Variants in MGAT4B observed in about 807,000 individuals in gnomAD.
The protein encoded by MGAT4B is N-acetylglucosaminyltransferase IVb.
A neutral mutation model predicts 73.9 loss-of-function variants in MGAT4B; 38 were observed. The observed-to-expected ratio is 0.51, with a 90% confidence interval of 0.40 to 0.67. The LOEUF (loss-of-function observed/expected upper bound fraction) is 0.67. MGAT4B is among the 30% of genes least tolerant of loss of function. MGAT4B has a pLI of 0.00. For missense variants in MGAT4B, 686 were observed against 735.2 expected (o/e 0.93, Z 0.77); for synonymous variants, 373 against 313.5 (o/e 1.19, Z -2.01).
chr5:179,800,683 C>T (rs1195803282), intron 5 of MGAT4B, 86 bp from the exon 6 acceptor site: 1 of 1,148,488 alleles, frequency 8.7e-7, no homozygotes, highest in Non-Finnish European at 1.3e-6. Flanking sequence ...TTTCTTGAGG[C>T]TCACCCAGTG....
intron 1 of MGAT4B, chr5:179,803,341 C>G (rs990663984): frequency 1.1e-5 from 10 of 922,902 alleles, no homozygotes; most frequent in Non-Finnish European, 1.3e-5. Flanking sequence ...AGGCTCCACG[C>G]TGGGCTCAGG....
At position 179,801,057 on chromosome 5, in the gene MGAT4B, G is replaced by T; in HGVS notation, c.559-104C>A. On this transcript the variant is annotated intron_variant, in intron 4 of 14. Coordinates refer to ENST00000292591, the MANE Select transcript of MGAT4B (RefSeq NM_014275.5). This position sits in a 1 kb window ranked among gnomAD's most constrained non-coding sequence, Gnocchi z 4.8. Reference sequence around the variant, plus strand: ...GCTTCAGATGCCCCCCACGTGGAGGGAGTGAGCCTGCTGTGCTGAGGGCGG... The same window carrying T: ...GCTTCAGATGCCCCCCACGTGGAGGTAGTGAGCCTGCTGTGCTGAGGGCGG... 1 of 1,419,626 alleles carries T rather than the reference G, an allele frequency of 7.0e-7. No homozygotes were observed. The highest frequency in any genetic ancestry group is 1.2e-5 in the South Asian group (1 of 84,884). 87.9% of individuals were successfully genotyped at this position (1,419,626 alleles called of 1,614,324 possible).
intron 1 of MGAT4B, among the ~76,000 whole-genome samples, chr5:179,803,941 G>A (rs1757044337): frequency 6.6e-6 from 1 of 152,232 alleles, no homozygotes; most frequent in Admixed American, 6.5e-5. Flanking sequence ...CTATGCCAGG[G>A]CTCTGCCAAG....
At chr5:179,798,789 C>A in intron 11 of MGAT4B, 139 bp downstream of exon 11, 1 of 1,149,666 alleles carries the variant, frequency 8.7e-7, no homozygotes, top group Non-Finnish European at 1.2e-6. Context: ...CTGACTTAGT[C>A]CTCACAAGGT....
In MGAT4B at chr5:179,798,498, A is replaced by G; in HGVS notation, c.1422+15T>C. On this transcript the variant is annotated intron_variant, in intron 12 of 14. Transcript: ENST00000292591. The stretch of plus-strand genomic sequence containing the variant: ...GAGGCCCGGCTTCAGTGCACACCAC[A>G]CCCACCGAACTTACGTCGAAGGGCA... The G allele has an allele frequency of 6.2e-7, 1 of 1,613,380 alleles. No individual in the cohort carries two copies. Among genetic ancestry groups the G allele is most frequent in the East Asian group, 2.2e-5 (1 of 44,882 alleles).
chr5:179,799,915 G>A (rs199691100), intron 8 of MGAT4B, 39 bp downstream of exon 8: 25 of 1,539,452 alleles, frequency 1.6e-5, no homozygotes, highest in East Asian at 6.7e-5. Context: ...AGAGGCAGGT[G>A]GGACTGAAAG....
At position 179,798,031 on chromosome 5, in the gene MGAT4B, C is replaced by G; in HGVS notation, c.*14G>C. ...TTCAGGGCTGGCCACAGGGTACCCT[C>G]AGAAGCCCGCAGCTTAGTCGGCCTT... On this transcript the variant is annotated 3_prime_UTR_variant, in exon 15 of 15. Transcript: ENST00000292591. 2 of 1,605,500 alleles carry G rather than the reference C, an allele frequency of 1.2e-6. No homozygotes were observed. The highest frequency in any genetic ancestry group is 1.1e-5 in the South Asian group (1 of 89,686).
intron 1 of MGAT4B, among the ~76,000 whole-genome samples, chr5:179,804,658 T>C (rs1298066553): frequency 6.6e-6 from 1 of 152,176 alleles, no homozygotes; most frequent in Non-Finnish European, 1.5e-5. Context: ...GCCCACCTCC[T>C]TCCTTCCCTG....
In MGAT4B at chr5:179,801,666, G is replaced by A. The variant is rs1239926439; in HGVS notation, c.312C>T (p.Gly104=). The A allele has an allele frequency of 1.2e-6, 2 of 1,607,502 alleles. No individual in the cohort carries two copies. The highest frequency in any genetic ancestry group is 1.7e-6 in the Non-Finnish European group (2 of 1,178,426). Reference sequence around the variant, plus strand: ...GCAGGTGCAGCACGTGCCGGTGTGAGCCGTTCCACGGCTTCAATCGGGGGT... The same window carrying A: ...GCAGGTGCAGCACGTGCCGGTGTGAACCGTTCCACGGCTTCAATCGGGGGT... ...TEDPRLKPWN[G]SHRHVLHLPT... The change falls in exon 3 of 15, where the codon GGC becomes GGT. Residue 104 remains glycine, a synonymous_variant. Transcript: ENST00000292591. This position sits in a 1 kb window ranked among gnomAD's most constrained non-coding sequence, Gnocchi z 4.8.
At chr5:179,802,114 C>T in intron 1 of MGAT4B, 145 bp from the exon 2 acceptor site, 1 of 1,543,434 alleles carries the variant, frequency 6.5e-7, no homozygotes, top group Non-Finnish European at 8.7e-7. Flanking sequence ...CGTGACATAG[C>T]TGGGGTCACT....
chr5:179,799,391 C>T, intron 9 of MGAT4B, 81 bp from the exon 10 acceptor site: 1 of 1,601,648 alleles, frequency 6.2e-7, no homozygotes, highest in Non-Finnish European at 8.5e-7. Flanking sequence ...TACCAGGGCC[C>T]TCCCACAGCT....
chr5:179,805,011 C>G (rs1748047306), intron 1 of MGAT4B: 1 of 152,356 alleles, frequency 6.6e-6, no homozygotes, highest in South Asian at 2.1e-4. Flanking sequence ...CTTCTTTGCT[C>G]TCCTGTTCCC....
At position 179,803,279 on chromosome 5, in the gene MGAT4B, T is replaced by TCTGGACAGCTC; in HGVS notation, c.98-1311_98-1310insGAGCTGTCCAG. 7.1e-6 allele frequency: 7 copies of TCTGGACAGCTC among 985,218 alleles called. No individual in the cohort carries two copies. The African/African-American group carries it at 8.7e-5, about 12-fold the overall frequency. The allele number at this position is 985,218 out of a possible 1,614,324, so 61.0% of individuals were successfully genotyped here. A position where few individuals can be genotyped will look rare whatever the true frequency, so the allele number is the denominator to read the frequency against. On this transcript the variant is annotated intron_variant, in intron 1 of 14. Coordinates refer to ENST00000292591, the MANE Select transcript of MGAT4B (RefSeq NM_014275.5). ...CTAAAGGCTGAGGCAAAGCGGAGCC[T>TCTGGACAGCTC]CTGGACAGCCCCTGGCGGGAGGGAA...
rs766644214 is a variant in MGAT4B, at chr5:179,798,286, G to A, written c.1511-9C>T. On this transcript the variant is annotated splice_polypyrimidine_tract_variant and intron_variant, in intron 13 of 14. Transcript: ENST00000292591. ...TCCCTTGTAGAAGGAGCCTGTGGGA[G>A]GGCAGTGGTGAGAGGGTGTCCCTGA... The A allele has an allele frequency of 1.2e-6, 2 of 1,612,708 alleles. No homozygotes were observed. The highest frequency in any genetic ancestry group is 1.7e-6 in the Non-Finnish European group (2 of 1,179,858).
chr5:179,802,667 G>GC, intron 1 of MGAT4B: 1 of 986,400 alleles, frequency 1.0e-6, no homozygotes, highest in Non-Finnish European at 1.2e-6. Flanking sequence ...ACCCCAGGGG[G>GC]CCCCTGTCAG....
At position 179,800,797 on chromosome 5, in the gene MGAT4B, T is replaced by TC. The variant is rs1252039001; in HGVS notation, c.605+109dup. ...ACCCCTCCCCCACCAGGTCCCTGCC[T>TC]CCCCACGAGATAGGAAAGGCACTAT... On this transcript the variant is annotated intron_variant, in intron 5 of 14. Transcript: ENST00000292591. The TC allele has an allele frequency of 1.1e-5, 13 of 1,218,038 alleles. No individual in the cohort carries two copies. In the African/African-American group the frequency reaches 2.1e-4, roughly 20 times the overall value. 75.5% of individuals were successfully genotyped at this position (1,218,038 alleles called of 1,614,324 possible).
At chr5:179,805,979 TCCC>T in intron 1 of MGAT4B, among the ~76,000 whole-genome samples, 1 of 10,050 alleles carries the variant, frequency 1.0e-4, no homozygotes, top group African/African-American at 3.1e-4. Context: ...TCAGGACGCC[TCCC>T]TCCCTCCCTC....
chr5:179,802,882 T>G, intron 1 of MGAT4B: 2 of 985,390 alleles, frequency 2.0e-6, no homozygotes, highest in Non-Finnish European at 2.4e-6. Flanking sequence ...AAAACCTATG[T>G]GGCCTACAAG....
rs1302415447 is a variant in MGAT4B, at chr5:179,797,832, G to A, written c.*213C>T. 8.2e-6 allele frequency: 5 copies of A among 611,284 alleles called. No homozygotes were observed. The highest frequency in any genetic ancestry group is 3.4e-5 in the Admixed American group (1 of 29,554). 37.9% of individuals were successfully genotyped at this position (611,284 alleles called of 1,614,324 possible). A position where few individuals can be genotyped will look rare whatever the true frequency, so the allele number is the denominator to read the frequency against. On this transcript the variant is annotated 3_prime_UTR_variant, in exon 15 of 15. Coordinates refer to ENST00000292591, the MANE Select transcript of MGAT4B (RefSeq NM_014275.5). ...GTTCCGGGCCTCAGGCACAGTGTGG[G>A]GGCCGCCTGCCTCCTCCGCGGCCCG... is the stretch of plus-strand genomic sequence containing the variant.
Sources: gnomAD v4.1 joint callset for allele counts (sites outside exome capture counted in the v4.1 genomes callset) on GRCh38, gnomAD v4.1.1 for gene constraint, Gnocchi (gnomAD v3.1) non-coding constraint, MANE v1.5 for transcripts, NCBI Gene and HGNC (gene_info 2026-07-23, HGNC 2026-07-21) for gene names.